CUL3: variants seen among roughly 807,000 people sequenced by gnomAD.
The protein encoded by CUL3 is cullin-3.
A neutral mutation model predicts 89.1 loss-of-function variants in CUL3; 19 were observed. The ratio of observed to expected loss-of-function variants is 0.21; its 90% CI spans 0.15 to 0.31. The LOEUF (loss-of-function observed/expected upper bound fraction) is 0.31. Ranked by LOEUF, CUL3 falls within the 10% of genes least tolerant of loss-of-function variation. The pLI, the probability that CUL3 is intolerant of heterozygous loss-of-function variation, is 1.00. For missense variants in CUL3, 469 were observed against 942.3 expected, an observed-to-expected ratio of 0.50 and a Z score of 6.58; for synonymous variants, 351 against 308.4, an observed-to-expected ratio of 1.14 and a Z score of -1.45.
chr2:224,513,429 C>T, intron 5 of CUL3, 95 bp downstream of exon 5: 1 of 833,330 alleles, frequency 1.2e-6, no homozygotes, highest in Non-Finnish European at 1.9e-6. Context: ...TAATGGGTCT[C>T]AGTTAAAAAA....
At chr2:224,560,061 T>G (rs1288618598) in intron 1 of CUL3, among the ~76,000 whole-genome samples, 1 of 152,116 alleles carries the variant, frequency 6.6e-6, no homozygotes, top group Non-Finnish European at 1.5e-5. Flanking sequence ...CCAGCCTGGA[T>G]GACAGAGCAA....
At chr2:224,520,468 A>C (rs1312760078) in intron 3 of CUL3, among the ~76,000 whole-genome samples, 5 of 152,238 alleles carry the variant, frequency 3.3e-5, no homozygotes, top group Admixed American at 6.5e-5. Context: ...TCTATCTCAC[A>C]ATGCTATTCC....
At chr2:224,512,340 C>T (rs1692862797) in intron 5 of CUL3, among the ~76,000 whole-genome samples, 1 of 152,166 alleles carries the variant, frequency 6.6e-6, no homozygotes. Flanking sequence ...TAGTGATCCA[C>T]TCGTCTCAGC....
chr2:224,563,768 G>A (rs949015375), intron 1 of CUL3, among the ~76,000 whole-genome samples: 4 of 152,018 alleles, frequency 2.6e-5, no homozygotes, highest in Admixed American at 1.3e-4. Flanking sequence ...TAAAAACTTG[G>A]TAACTTAACA....
intron 6 of CUL3, 137 bp from the exon 7 acceptor site, chr2:224,507,140 A>G (rs1692632187): frequency 1.7e-6 from 1 of 590,866 alleles, no homozygotes; most frequent in Admixed American, 3.8e-5. Flanking sequence ...TTAAAAATAT[A>G]CATATATTGA....
chr2:224,559,841 G>C (rs939715808), intron 1 of CUL3, among the ~76,000 whole-genome samples: 1 of 152,190 alleles, frequency 6.6e-6, no homozygotes, highest in African/African-American at 2.4e-5. Context: ...CAGCACTTTG[G>C]AAAGTCAAAG....
In CUL3 at chr2:224,584,986, C is replaced by G. The variant is rs139996986; in HGVS notation, c.24G>C (p.Thr8=). Residue 8 remains threonine, a synonymous_variant, in exon 1 of 16, where the codon ACG becomes ACC. Coordinates refer to ENST00000264414, the MANE Select transcript of CUL3 (RefSeq NM_003590.5). The part of the protein sequence containing the change: MSNLSKG[T]GSRKDTKMRI... ...GCATCTTGGTGTCCTTCCGGCTGCC[C>G]GTGCCTTTGCTCAGATTCGACATGG... 121 of 1,508,056 alleles carry G rather than the reference C, an allele frequency of 8.0e-5. No individual in the cohort carries two copies. Among genetic ancestry groups the G allele is most frequent in the Middle Eastern group, 1.8e-4 (1 of 5,576 alleles). 93.4% of individuals were successfully genotyped at this position (1,508,056 alleles called of 1,614,324 possible).
intron 1 of CUL3, among the ~76,000 whole-genome samples, chr2:224,565,458 C>G (rs1013316847): frequency 6.6e-6 from 1 of 152,150 alleles, no homozygotes; most frequent in Non-Finnish European, 1.5e-5. Flanking sequence ...TGTAACTTCA[C>G]AAAAACACAT....
At position 224,547,592 on chromosome 2, in the gene CUL3, T is replaced by C. The variant is rs577001565; in HGVS notation, c.264+10067A>G. Among the ~76,000 whole-genome samples, 44 of 152,254 alleles carry C rather than the reference T, an allele frequency of 2.9e-4. 1 individual carries two copies. The highest frequency in any genetic ancestry group is 4.6e-4 in the Admixed American group (7 of 15,284). On this transcript the variant is annotated intron_variant, in intron 2 of 15. Transcript: ENST00000264414. ...TCTTGCTGGCAAGAATCATGTCTTATTTATTTTTGGGTGGCTGAAACATAG... is the reference window on the plus strand; with the variant it reads ...TCTTGCTGGCAAGAATCATGTCTTACTTATTTTTGGGTGGCTGAAACATAG...
At chr2:224,495,806 A>T (rs762605179) in intron 13 of CUL3, 26 bp downstream of exon 13, 1 of 1,574,860 alleles carries the variant, frequency 6.3e-7, no homozygotes, top group East Asian at 2.2e-5. Flanking sequence ...CAACACAGTT[A>T]AAATGTATAT....
At chr2:224,475,104 G>A (rs550851052) in intron 15 of CUL3, among the ~76,000 whole-genome samples, 2 of 152,146 alleles carry the variant, frequency 1.3e-5, no homozygotes, top group South Asian at 2.1e-4. Context: ...TGCAAGCTCC[G>A]CCTCCCAGGT....
chr2:224,524,132 A>T (rs1367295154), intron 3 of CUL3, among the ~76,000 whole-genome samples: 2 of 152,196 alleles, frequency 1.3e-5, no homozygotes, highest in Non-Finnish European at 2.9e-5. Context: ...CATCAAGAGT[A>T]ACAAAGGCAA....
In CUL3 at chr2:224,472,084, T is replaced by C. The variant is rs1355101871; in HGVS notation, c.*2161A>G. The C allele has an allele frequency of 4.3e-6, 1 of 229,928 alleles. No individual in the cohort carries two copies. The highest frequency in any genetic ancestry group is 2.2e-5 in the African/African-American group (1 of 45,128). The allele number at this position is 229,928 out of a possible 1,614,324, so 14.2% of individuals were successfully genotyped here. On this transcript the variant is annotated 3_prime_UTR_variant, in exon 16 of 16. Transcript: ENST00000264414. ...ACATATAAACATTTTGTGTGACCAG[T>C]TTTTTCAGTGCAGCATCACATCGCC...
intron 1 of CUL3, among the ~76,000 whole-genome samples, chr2:224,558,253 CAA>C (rs1694785351): frequency 6.6e-6 from 1 of 152,080 alleles, no homozygotes; most frequent in African/African-American, 2.4e-5. Flanking sequence ...TGAAAGAAAA[CAA>C]AGAATAACAT....
At chr2:224,503,531 C>A (rs937160948) in intron 9 of CUL3, 121 bp downstream of exon 9, 4 of 844,754 alleles carry the variant, frequency 4.7e-6, no homozygotes, top group Admixed American at 7.2e-5. Context: ...AAACAATCTA[C>A]CTTTATTTCT....
intron 14 of CUL3, 126 bp from the exon 15 acceptor site, chr2:224,478,471 T>C (rs970328486): frequency 1.4e-6 from 1 of 728,634 alleles, no homozygotes; most frequent in Non-Finnish European, 2.1e-6. Flanking sequence ...TACACACTTA[T>C]TAATTCAAGT....
chr2:224,548,103 AAAAG>A (rs1257659665), intron 2 of CUL3, among the ~76,000 whole-genome samples: 1 of 152,258 alleles, frequency 6.6e-6, no homozygotes, highest in East Asian at 1.9e-4. Flanking sequence ...AGAAATTCAA[AAAAG>A]AAAGTCACTT....
At chr2:224,506,783 T>C (rs754023459) in intron 7 of CUL3, 75 bp downstream of exon 7, 13 of 1,273,722 alleles carry the variant, frequency 1.0e-5, no homozygotes, top group Non-Finnish European at 1.3e-5. Context: ...ATACACAGCA[T>C]GGTAAAAGTG....
intron 2 of CUL3, among the ~76,000 whole-genome samples, chr2:224,540,907 G>A (rs577263901): frequency 3.5e-4 from 53 of 152,102 alleles, no homozygotes; most frequent in Non-Finnish European, 6.8e-4. Context: ...GAAGAGCCCT[G>A]CTTTTTTAAT....
Sources: allele counts gnomAD v4.1 joint callset (sites outside exome capture counted in the v4.1 genomes callset), GRCh38; gene constraint gnomAD v4.1.1; transcripts MANE v1.5; gene names NCBI Gene and HGNC (gene_info 2026-07-23, HGNC 2026-07-21).